Variants in AFG1L observed in about 807,000 individuals in gnomAD.
The protein encoded by AFG1L is AFG1 like ATPase.
In AFG1L, 53 loss-of-function variants were observed where a neutral mutation model predicts 62.2. That is an observed-to-expected ratio of 0.85 (90% CI 0.68 to 1.07). AFG1L has a LOEUF of 1.07. AFG1L is among the 50% of genes least tolerant of loss of function. The pLI is 0.00. For missense variants in AFG1L, 555 were observed against 590.5 expected (o/e 0.94, Z 0.62); for synonymous variants, 228 against 210.3 (o/e 1.08, Z -0.73).
chr6:108,471,065 G>T (rs1049239901), intron 8 of AFG1L, among the ~76,000 whole-genome samples: 203 of 152,222 alleles, frequency 1.3e-3, no homozygotes, highest in Non-Finnish European at 8.8e-5. Context: ...TGGTCGACCA[G>T]CATCTTGGTC....
Position 108,325,900 on chromosome 6 carries a change from C to G in AFG1L, c.363+1852C>G, listed in dbSNP as rs146879565. Among the ~76,000 whole-genome samples the G allele has an allele frequency of 3.7e-3, 568 of 152,172 alleles. 6 individuals are homozygous for G. Among genetic ancestry groups the G allele is most frequent in the African/African-American group, 0.013 (545 of 41,514 alleles). On this transcript the variant is annotated intron_variant, in intron 2 of 12. Coordinates refer to ENST00000368977, the MANE Select transcript of AFG1L (RefSeq NM_145315.5). ...CAGGTTCAAACGATTCTCCTGCCTC[C>G]CAAATAGCTGGGATTACAGGCACCT...
At chr6:108,401,425 AGCCACCGCGCCCGGCC>A (rs1192265362) in intron 6 of AFG1L, among the ~76,000 whole-genome samples, 1 of 151,244 alleles carries the variant, frequency 6.6e-6, no homozygotes, top group Non-Finnish European at 1.5e-5. Context: ...TACAGGCGTG[AGCCACCGCGCCCGGCC>A]GCCTGGCTAA....
chr6:108,412,163 C>CA (rs1371976503), intron 7 of AFG1L, among the ~76,000 whole-genome samples: 2 of 152,074 alleles, frequency 1.3e-5, no homozygotes, highest in African/African-American at 4.8e-5. Context: ...GAAAGGGTAT[C>CA]AGTGATTGAA....
intron 3 of AFG1L, among the ~76,000 whole-genome samples, chr6:108,352,247 G>A (rs1779109333): frequency 6.6e-6 from 1 of 152,064 alleles, no homozygotes; most frequent in Non-Finnish European, 1.5e-5. Context: ...TATAATATTT[G>A]TCCTTTTGGG....
chr6:108,395,086 C>A (rs61402925), intron 6 of AFG1L, among the ~76,000 whole-genome samples: 6,133 of 152,148 alleles, frequency 0.04, 386 homozygotes, highest in African/African-American at 0.14. Flanking sequence ...TTATGACATT[C>A]CTAAATAAAA....
chr6:108,407,694 A>T (rs1304209894), intron 7 of AFG1L, among the ~76,000 whole-genome samples: 4 of 20,272 alleles, frequency 2.0e-4, no homozygotes, highest in Admixed American at 9.0e-4. Context: ...CTGGAAATTA[A>T]AAAAAAAAAA....
chr6:108,382,740 G>T (rs1032821465), intron 6 of AFG1L, among the ~76,000 whole-genome samples: 4 of 152,192 alleles, frequency 2.6e-5, no homozygotes, highest in Admixed American at 1.3e-4. Flanking sequence ...GGATGACAAT[G>T]ATTACTTTTT....
intron 8 of AFG1L, among the ~76,000 whole-genome samples, chr6:108,455,042 C>T (rs1413715268): frequency 6.6e-6 from 1 of 152,176 alleles, no homozygotes; most frequent in Non-Finnish European, 1.5e-5. Context: ...GCTAATTCCT[C>T]AGTCTGGGGA....
chr6:108,469,861 TTTCCCTTAA>T (rs1474933506), intron 8 of AFG1L, among the ~76,000 whole-genome samples: 4 of 152,350 alleles, frequency 2.6e-5, no homozygotes, highest in African/African-American at 9.6e-5. Flanking sequence ...GCCTGACTTT[TTTCCCTTAA>T]TTAGAATTCC....
intron 6 of AFG1L, among the ~76,000 whole-genome samples, chr6:108,378,144 G>T (rs1327371571): frequency 1.1e-4 from 15 of 142,642 alleles, no homozygotes; most frequent in Admixed American, 1.0e-3. Context: ...ATTTTATTTT[G>T]AAATTCCTTA....
intron 3 of AFG1L, among the ~76,000 whole-genome samples, chr6:108,349,355 G>A (rs1194457861): frequency 1.3e-5 from 2 of 151,930 alleles, no homozygotes; most frequent in Non-Finnish European, 2.9e-5. Context: ...GTGGTGGCAT[G>A]TGCCTATAGT....
chr6:108,353,392 G>A (rs1001367213), intron 3 of AFG1L, among the ~76,000 whole-genome samples: 1 of 152,084 alleles, frequency 6.6e-6, no homozygotes, highest in Non-Finnish European at 1.5e-5. Context: ...CTAGGCTCAA[G>A]CAATTCTCCC....
intron 7 of AFG1L, among the ~76,000 whole-genome samples, chr6:108,413,547 C>A (rs930301520): frequency 3.9e-5 from 6 of 152,080 alleles, no homozygotes; most frequent in Admixed American, 3.9e-4. Flanking sequence ...TGTAAAAGAA[C>A]AGAAATTACA....
At chr6:108,395,204 A>T (rs1260924723) in intron 6 of AFG1L, among the ~76,000 whole-genome samples, 1 of 152,168 alleles carries the variant, frequency 6.6e-6, no homozygotes, top group Non-Finnish European at 1.5e-5. Context: ...TCTAAAGAGA[A>T]TAAATGTTTC....
chr6:108,300,249 A>G (rs1776932832), intron 1 of AFG1L, among the ~76,000 whole-genome samples: 1 of 152,086 alleles, frequency 6.6e-6, no homozygotes, highest in African/African-American at 2.4e-5. Context: ...CCTGGGTTCA[A>G]GCGATTCTCC....
intron 8 of AFG1L, among the ~76,000 whole-genome samples, chr6:108,451,501 C>T (rs748848496): frequency 2.6e-5 from 4 of 152,106 alleles, no homozygotes; most frequent in Non-Finnish European, 5.9e-5. Context: ...AGAGTACCTT[C>T]GTAAGTAAGT....
At chr6:108,445,156 T>A (rs1393317974) in intron 7 of AFG1L, among the ~76,000 whole-genome samples, 13 of 152,232 alleles carry the variant, frequency 8.5e-5, no homozygotes. Flanking sequence ...TATTGAAACC[T>A]CATGAACCAA....
At chr6:108,337,066 C>T (rs1778501183) in intron 2 of AFG1L, among the ~76,000 whole-genome samples, 1 of 152,158 alleles carries the variant, frequency 6.6e-6, no homozygotes, top group African/African-American at 2.4e-5. Context: ...CTTGCTATAG[C>T]CCAGGCTAGT....
At chr6:108,367,188 A>G (rs568065314) in intron 6 of AFG1L, among the ~76,000 whole-genome samples, 1 of 152,300 alleles carries the variant, frequency 6.6e-6, no homozygotes, top group African/African-American at 2.4e-5. Context: ...CAAAAGCTTC[A>G]TGAGGGCAGT....
Sources: gnomAD v4.1 joint callset for allele counts (sites outside exome capture counted in the v4.1 genomes callset) on GRCh38, gnomAD v4.1.1 for gene constraint, MANE v1.5 for transcripts, NCBI Gene and HGNC (gene_info 2026-07-23, HGNC 2026-07-21) for gene names.